The following FGF13 variants were observed in gnomAD, a reference collection of about 807,000 sequenced individuals.
FGF13 encodes fibroblast growth factor homologous factor 2.
Under a neutral mutation model 19.5 loss-of-function variants are expected in FGF13, and 2 were observed. That is an observed-to-expected ratio of 0.10 (90% confidence interval 0.04 to 0.32). FGF13 has a LOEUF of 0.32. Among genes scored for constraint, FGF13 ranks in the 10% least tolerant of loss-of-function variants. The probability of loss-of-function intolerance (pLI) is 1.00; values close to 1 mark genes in which losing one functional copy is unlikely to be tolerated. For synonymous variants in FGF13, 72 were observed against 76.9 expected (o/e 0.94, Z 0.33); for missense variants, 113 against 192.7 (o/e 0.59, Z 2.45).
intron 3 of FGF13, among the ~76,000 whole-genome samples, chrX:138,785,840 G>A (rs1430030194): frequency 9.0e-6 from 1 of 111,380 alleles, no homozygotes; most frequent in African/African-American, 3.3e-5. Flanking sequence ...ATGTCTCATA[G>A]GGACCTCAAA....
intron 3 of FGF13, among the ~76,000 whole-genome samples, chrX:138,808,327 G>A (rs889935211): frequency 8.9e-6 from 1 of 111,894 alleles, no homozygotes; most frequent in African/African-American, 3.3e-5. Context: ...TGAACAACCT[G>A]CTCCTGAATG....
downstream of FGF13, among the ~76,000 whole-genome samples, chrX:138,855,994 T>TGTG (rs1569412173): frequency 9.9e-5 from 10 of 100,798 alleles, no homozygotes; most frequent in African/African-American, 4.0e-4. Context: ...GTGTGTGTGT[T>TGTG]TATAATTTTT....
intron 3 of FGF13, among the ~76,000 whole-genome samples, chrX:138,676,893 A>G (rs1159649785): frequency 2.7e-5 from 3 of 112,247 alleles, no homozygotes; most frequent in African/African-American, 9.7e-5. Context: ...CAAAGCATAA[A>G]TGGTTATATT....
chrX:138,992,618 T>G (rs1348011257), intron 1 of FGF13, among the ~76,000 whole-genome samples: 1 of 111,059 alleles, frequency 9.0e-6, no homozygotes, highest in Non-Finnish European at 1.9e-5. Flanking sequence ...CTAATAAAAA[T>G]AAATAATTGA....
In FGF13 at chrX:138,711,085, C is replaced by A; in HGVS notation, c.-82G>T. On this transcript the variant is annotated 5_prime_UTR_variant, in exon 1 of 5. Coordinates refer to ENST00000315930, the MANE Select transcript of FGF13 (RefSeq NM_004114.5). ...TCCTCCTTCTCCTCCGCTGCTTGTC[C>A]GCTGTCTCGCGACTTCGCCGCTTTG... 3 of 1,167,733 alleles carry A rather than the reference C, an allele frequency of 2.6e-6. No homozygotes were observed. In the Admixed American group the frequency reaches 7.2e-5, roughly 28 times the overall value.
At chrX:139,158,697 C>CA (rs1488700135) in intron 1 of FGF13, among the ~76,000 whole-genome samples, 17 of 110,496 alleles carry the variant, frequency 1.5e-4, no homozygotes, top group African/African-American at 5.3e-4. Flanking sequence ...TATCAGTAGC[C>CA]AAATCAGTCA....
chrX:138,779,941 G>C (rs2124355897), intron 3 of FGF13, among the ~76,000 whole-genome samples: 1 of 104,676 alleles, frequency 9.6e-6, no homozygotes, highest in Admixed American at 1.0e-4. Context: ...TCAAAGGGAA[G>C]CCCATCAGAC....
At chrX:138,818,814 G>A (rs1315950297) in intron 3 of FGF13, among the ~76,000 whole-genome samples, 1 of 111,023 alleles carries the variant, frequency 9.0e-6, no homozygotes, top group Non-Finnish European at 1.9e-5. Flanking sequence ...TTCTTTAAAT[G>A]AATTTTAAAA....
At chrX:138,705,384 C>A (rs1456735844) in intron 2 of FGF13, among the ~76,000 whole-genome samples, 1 of 111,392 alleles carries the variant, frequency 9.0e-6, no homozygotes, top group African/African-American at 3.3e-5. Flanking sequence ...AATGAAATGT[C>A]TAAATTTCAA....
intron 3 of FGF13, among the ~76,000 whole-genome samples, chrX:138,839,636 T>C (rs1327279076): frequency 8.9e-6 from 1 of 112,014 alleles, no homozygotes; most frequent in Non-Finnish European, 1.9e-5. Flanking sequence ...TGCATACATA[T>C]GCAGCTACCA....
chrX:138,617,518 G>T lies in FGF13; in HGVS notation c.*15332C>A, dbSNP rs893860351. 2.7e-5 allele frequency: 3 copies of T among 112,057 alleles called. No individual in the cohort carries two copies. The highest frequency in any genetic ancestry group is 6.5e-5 in the African/African-American group (2 of 30,864). The allele number at this position is 112,057 out of a possible 1,213,427, so 9.2% of individuals were successfully genotyped here. On this transcript the variant is annotated 3_prime_UTR_variant, in exon 5 of 5. Coordinates refer to ENST00000315930, the MANE Select transcript of FGF13 (RefSeq NM_004114.5). ...TAACTATAAGTTTTTTAAAATTTGT[G>T]TTGAGCTAAATTGTAAGGTAAACTG...
intron 1 of FGF13, among the ~76,000 whole-genome samples, chrX:138,952,818 C>T (rs1268027668): frequency 1.8e-5 from 2 of 111,393 alleles, no homozygotes; most frequent in African/African-American, 6.5e-5. Context: ...CCAAAAGACA[C>T]ATGAAAAAAT....
At chrX:138,818,499 GACACACACACACACACACACACACACAC>G (rs371760908) in intron 3 of FGF13, among the ~76,000 whole-genome samples, 1 of 84,772 alleles carries the variant, frequency 1.2e-5, no homozygotes, top group African/African-American at 4.3e-5. Flanking sequence ...TATATGCACA[GACACACACACACACACACACACACACAC>G]ACACACACAC....
intron 1 of FGF13, among the ~76,000 whole-genome samples, chrX:138,917,716 T>G (rs746169928): frequency 1.2e-4 from 14 of 112,327 alleles, no homozygotes; most frequent in Non-Finnish European, 2.4e-4. Flanking sequence ...AGTTATGCTT[T>G]ATTTTTCCTT....
chrX:138,739,442 G>A (rs776282201), upstream of FGF13: 1 of 373,948 alleles, frequency 2.7e-6, no homozygotes, highest in South Asian at 8.1e-5. Flanking sequence ...GGGCATTAGT[G>A]ACAGACCATT....
chrX:138,794,290 G>C (rs139540600), intron 3 of FGF13, among the ~76,000 whole-genome samples: 40 of 111,656 alleles, frequency 3.6e-4, no homozygotes, highest in African/African-American at 1.3e-3. Context: ...TGAAATGAAT[G>C]ATTCATAAGG....
At chrX:138,796,104 G>A (rs971483300) in intron 3 of FGF13, among the ~76,000 whole-genome samples, 1 of 109,834 alleles carries the variant, frequency 9.1e-6, no homozygotes, top group Admixed American at 9.8e-5. Context: ...TGCTGAACAT[G>A]CAGGTTTGTT....
At chrX:138,916,372 T>G (rs2091618377) in intron 1 of FGF13, among the ~76,000 whole-genome samples, 1 of 111,655 alleles carries the variant, frequency 9.0e-6, no homozygotes, top group South Asian at 3.8e-4. Context: ...CTGTTTAAAC[T>G]AGATCAAAGA....
chrX:138,872,385 G>A (rs1295064544), intron 1 of FGF13, among the ~76,000 whole-genome samples: 1 of 111,535 alleles, frequency 9.0e-6, no homozygotes, highest in Non-Finnish European at 1.9e-5. Flanking sequence ...TAGGTACCCG[G>A]CAAATATTAA....
Sources: gnomAD v4.1 joint callset for allele counts (sites outside exome capture counted in the v4.1 genomes callset) on GRCh38, gnomAD v4.1.1 for gene constraint, MANE v1.5 for transcripts, NCBI Gene and HGNC (gene_info 2026-07-23, HGNC 2026-07-21) for gene names.